Variants in KPNA3 observed in about 807,000 individuals in gnomAD.
KPNA3 encodes importin subunit alpha-4.
In KPNA3, 13 loss-of-function variants were observed where a neutral mutation model predicts 73.8. The ratio of observed to expected loss-of-function variants is 0.18; its 90% CI spans 0.11 to 0.28. The LOEUF is 0.28. KPNA3 is among the 10% of genes least tolerant of loss of function. KPNA3 has a pLI of 1.00. For synonymous variants in KPNA3, 186 were observed against 206.9 expected (o/e 0.90, Z 0.87); for missense variants, 360 against 618.1 (o/e 0.58, Z 4.43).
intron 1 of KPNA3, among the ~76,000 whole-genome samples, chr13:49,766,201 G>T (rs1954806576): frequency 2.0e-5 from 3 of 152,150 alleles, no homozygotes; most frequent in African/African-American, 7.2e-5. Context: ...CTGTCTACAG[G>T]TTGTAATCTC....
At chr13:49,759,152 G>A (rs1332821883) in intron 1 of KPNA3, among the ~76,000 whole-genome samples, 1 of 151,922 alleles carries the variant, frequency 6.6e-6, no homozygotes, top group East Asian at 1.9e-4. Flanking sequence ...TCCAGGAAAT[G>A]GAAATAAAAA....
At chr13:49,741,299 T>A (rs1954571483) in intron 2 of KPNA3, among the ~76,000 whole-genome samples, 1 of 152,222 alleles carries the variant, frequency 6.6e-6, no homozygotes, top group African/African-American at 2.4e-5. Context: ...CAACATGCGT[T>A]ATCTTTCATC....
At chr13:49,725,309 AGTCATCATTT>A in intron 7 of KPNA3, 97 bp downstream of exon 7, 1 of 526,992 alleles carries the variant, frequency 1.9e-6, no homozygotes. Context: ...AACTTATAAA[AGTCATCATTT>A]AAAAAATGTT....
chr13:49,731,249 GTTTTTTTTTTT>G (rs143641829), intron 6 of KPNA3, among the ~76,000 whole-genome samples: 2 of 102,218 alleles, frequency 2.0e-5, no homozygotes, highest in East Asian at 3.3e-4. Context: ...TAATTTTCGT[GTTTTTTTTTTT>G]TTTTTTTTTG....
chr13:49,732,917 A>C, intron 3 of KPNA3, 40 bp downstream of exon 3: 1 of 1,453,486 alleles, frequency 6.9e-7, no homozygotes, highest in South Asian at 1.2e-5. Context: ...AGTTACTATA[A>C]AAATTATTTT....
At chr13:49,783,187 T>G (rs1954955330) in intron 1 of KPNA3, among the ~76,000 whole-genome samples, 1 of 152,066 alleles carries the variant, frequency 6.6e-6, no homozygotes, top group Non-Finnish European at 1.5e-5. Flanking sequence ...TATATTCTAT[T>G]TAAGGCAAGT....
At chr13:49,782,842 A>G (rs1157248396) in intron 1 of KPNA3, among the ~76,000 whole-genome samples, 4 of 152,052 alleles carry the variant, frequency 2.6e-5, no homozygotes, top group African/African-American at 9.7e-5. Context: ...AGCCTGGGTG[A>G]CAGAGCAAGA....
chr13:49,789,492 C>T (rs1198472119), intron 1 of KPNA3, among the ~76,000 whole-genome samples: 1 of 152,056 alleles, frequency 6.6e-6, no homozygotes, highest in Admixed American at 6.6e-5. Flanking sequence ...TATTCTTGCA[C>T]CTAACATCTT....
intron 1 of KPNA3, among the ~76,000 whole-genome samples, chr13:49,776,807 C>A (rs916519387): frequency 7.9e-5 from 12 of 151,924 alleles, no homozygotes; most frequent in Non-Finnish European, 1.5e-4. Flanking sequence ...TCTAAAAAGA[C>A]AAAAAAAGCA....
At chr13:49,746,836 G>A (rs1412017310) in intron 2 of KPNA3, 113 bp downstream of exon 2, 1 of 715,036 alleles carries the variant, frequency 1.4e-6, no homozygotes, top group Non-Finnish European at 2.4e-6. Flanking sequence ...CCAGTGATGT[G>A]TGGTTTTAGG....
intron 9 of KPNA3, 100 bp from the exon 10 acceptor site, chr13:49,719,919 C>T (rs1488461176): frequency 2.2e-5 from 16 of 738,872 alleles, no homozygotes; most frequent in East Asian, 8.5e-5. Context: ...GTTTGTAGGG[C>T]GAGAAAGACA....
chr13:49,705,172 AACAT>A (rs1463375470), intron 15 of KPNA3, among the ~76,000 whole-genome samples: 10 of 152,234 alleles, frequency 6.6e-5, no homozygotes, highest in African/African-American at 2.4e-4. Context: ...CAGCCTGGCC[AACAT>A]GGTGAAACCT....
intron 10 of KPNA3, among the ~76,000 whole-genome samples, chr13:49,714,177 C>T (rs546675431): frequency 3.8e-4 from 58 of 151,928 alleles, no homozygotes; most frequent in Non-Finnish European, 6.0e-4. Flanking sequence ...GTGTAAACTA[C>T]GGATTTTGGG....
At chr13:49,740,072 G>A (rs1443518174) in intron 2 of KPNA3, among the ~76,000 whole-genome samples, 4 of 151,932 alleles carry the variant, frequency 2.6e-5, no homozygotes, top group African/African-American at 4.8e-5. Flanking sequence ...GCAACATGGC[G>A]AAATCCCGTA....
At chr13:49,792,306 G>A (rs1955040768) in intron 1 of KPNA3, 132 bp downstream of exon 1, 1 of 363,884 alleles carries the variant, frequency 2.7e-6, no homozygotes, top group Non-Finnish European at 4.3e-6. Flanking sequence ...CGGGGCCGCG[G>A]TGACGGGAGG....
intron 1 of KPNA3, among the ~76,000 whole-genome samples, chr13:49,752,794 C>T (rs943974572): frequency 4.6e-5 from 7 of 151,746 alleles, no homozygotes; most frequent in Admixed American, 2.0e-4. Flanking sequence ...TTTGGGAGGC[C>T]GAGGCGGGCG....
intron 3 of KPNA3, 21 bp from the exon 4 acceptor site, chr13:49,732,797 A>C: frequency 7.9e-6 from 12 of 1,517,126 alleles, no homozygotes; most frequent in Non-Finnish European, 1.1e-5. Flanking sequence ...AAAAAAAAAT[A>C]GTTCAGCAGA....
At chr13:49,770,793 T>G (rs1247489147) in intron 1 of KPNA3, among the ~76,000 whole-genome samples, 4 of 150,550 alleles carry the variant, frequency 2.7e-5, no homozygotes, top group Admixed American at 1.3e-4. Flanking sequence ...GTAATACTGT[T>G]TTGCCACCCT....
intron 1 of KPNA3, among the ~76,000 whole-genome samples, chr13:49,789,135 T>C (rs528395786): frequency 6.6e-6 from 1 of 152,224 alleles, no homozygotes; most frequent in Non-Finnish European, 1.5e-5. Context: ...ATCTCCTCTT[T>C]GCTCTGGAAT....
Sources: allele counts gnomAD v4.1 joint callset (sites outside exome capture counted in the v4.1 genomes callset), GRCh38; gene constraint gnomAD v4.1.1; transcripts MANE v1.5; gene names NCBI Gene and HGNC (gene_info 2026-07-23, HGNC 2026-07-21).